ADAM23: variants seen among roughly 807,000 people sequenced by gnomAD.
ADAM23 encodes the protein disintegrin and metalloproteinase domain-containing protein 23.
In ADAM23, 33 loss-of-function variants were observed where a neutral mutation model predicts 120.1. The observed-to-expected ratio is 0.27, with a 90% CI of 0.21 to 0.37. The LOEUF (loss-of-function observed/expected upper bound fraction) is 0.37, where lower values mean the gene tolerates loss of function less well. ADAM23 is among the 10% of genes least tolerant of loss of function. The pLI is 1.00. For synonymous variants in ADAM23, 367 were observed against 375.2 expected (o/e 0.98, Z 0.25); for missense variants, 862 against 1,058.2 (o/e 0.81, Z 2.57).
chr2:206,530,691 T>TTC (rs1697040183), intron 3 of ADAM23, among the ~76,000 whole-genome samples, 194 bp from the exon 4 acceptor site: 6 of 144,188 alleles, frequency 4.2e-5, no homozygotes, highest in South Asian at 2.2e-4. Context: ...TTTTTTTTTT[T>TTC]CTGCAGATTG....
chr2:206,592,475 A>G (rs1254756384), intron 21 of ADAM23, 142 bp from the exon 22 acceptor site: 9 of 1,061,510 alleles, frequency 8.5e-6, no homozygotes, highest in Non-Finnish European at 1.2e-5. Context: ...GTTATCACCT[A>G]CCAATGATAT....
At chr2:206,513,208 C>T (rs1696661992) in intron 3 of ADAM23, among the ~76,000 whole-genome samples, 1 of 152,180 alleles carries the variant, frequency 6.6e-6, no homozygotes, top group Non-Finnish European at 1.5e-5. Flanking sequence ...AGCATAGTTT[C>T]AAGGCATGTT....
At chr2:206,548,155 A>C in intron 7 of ADAM23, 126 bp from the exon 8 acceptor site, 1 of 742,530 alleles carries the variant, frequency 1.3e-6, no homozygotes, top group Non-Finnish European at 2.2e-6. Flanking sequence ...TATAATGATC[A>C]GTGTGCTTTT....
At chr2:206,562,495 A>G (rs550529887) in intron 13 of ADAM23, among the ~76,000 whole-genome samples, 1 of 152,316 alleles carries the variant, frequency 6.6e-6, no homozygotes, top group South Asian at 2.1e-4. Context: ...TTCAAAATCC[A>G]TAAAATCATA....
At chr2:206,532,065 A>G (rs934026703) in intron 4 of ADAM23, among the ~76,000 whole-genome samples, 1 of 152,158 alleles carries the variant, frequency 6.6e-6, no homozygotes, top group Non-Finnish European at 1.5e-5. Flanking sequence ...CTTAGGTTGC[A>G]TTTGGGGGTT....
chr2:206,573,397 A>G (rs911075829), intron 18 of ADAM23, among the ~76,000 whole-genome samples: 2 of 152,176 alleles, frequency 1.3e-5, no homozygotes, highest in African/African-American at 4.8e-5. Context: ...CTTTATACAC[A>G]TCGCCTGAAG....
At chr2:206,507,485 G>A (rs1696519217) in intron 3 of ADAM23, among the ~76,000 whole-genome samples, 1 of 151,652 alleles carries the variant, frequency 6.6e-6, no homozygotes, top group Admixed American at 6.6e-5. Context: ...CACTGTGATT[G>A]TAAGTTTTTT....
intron 3 of ADAM23, among the ~76,000 whole-genome samples, chr2:206,516,785 A>G (rs1696741097): frequency 6.6e-6 from 1 of 152,124 alleles, no homozygotes; most frequent in Non-Finnish European, 1.5e-5. Context: ...CTGAAATTAG[A>G]ACTAGTGTAA....
intron 3 of ADAM23, among the ~76,000 whole-genome samples, chr2:206,483,833 T>A (rs1382474391): frequency 1.3e-5 from 2 of 152,060 alleles, no homozygotes; most frequent in African/African-American, 2.4e-5. Flanking sequence ...AGAAACCGGG[T>A]TACAGTAGGC....
At chr2:206,599,788 T>A (rs951303646) in intron 24 of ADAM23, among the ~76,000 whole-genome samples, 1 of 152,256 alleles carries the variant, frequency 6.6e-6, no homozygotes, top group East Asian at 1.9e-4. Context: ...TTTATCCATA[T>A]TCATTTGTTT....
intron 24 of ADAM23, among the ~76,000 whole-genome samples, chr2:206,607,441 A>G (rs1187126062): frequency 1.3e-5 from 2 of 152,072 alleles, no homozygotes; most frequent in African/African-American, 4.8e-5. Flanking sequence ...ATTTTTTAAC[A>G]TTATACATTG....
intron 3 of ADAM23, among the ~76,000 whole-genome samples, chr2:206,485,683 C>G (rs1463650318): frequency 1.3e-5 from 2 of 152,184 alleles, no homozygotes; most frequent in Non-Finnish European, 2.9e-5. Context: ...GTGCCTCTGG[C>G]TGTTATAGGT....
At chr2:206,573,340 G>A in intron 18 of ADAM23, 145 bp downstream of exon 18, 1 of 755,560 alleles carries the variant, frequency 1.3e-6, no homozygotes. Context: ...ATATCTTGGG[G>A]ATGGGACTCA....
intron 17 of ADAM23, 90 bp downstream of exon 17, chr2:206,571,906 CA>C: frequency 8.4e-7 from 1 of 1,193,636 alleles, no homozygotes; most frequent in Non-Finnish European, 1.2e-6. Context: ...TAGCTTGTCA[CA>C]AATTTCTTGG....
chr2:206,597,238 G>T (rs573938708), intron 24 of ADAM23, among the ~76,000 whole-genome samples: 1 of 148,462 alleles, frequency 6.7e-6, no homozygotes, highest in Non-Finnish European at 1.5e-5. Flanking sequence ...GGAGTGCAGC[G>T]GTGTGATCTT....
At chr2:206,518,434 A>G (rs1409145931) in intron 3 of ADAM23, among the ~76,000 whole-genome samples, 1 of 152,188 alleles carries the variant, frequency 6.6e-6, no homozygotes, top group Non-Finnish European at 1.5e-5. Context: ...TTTGCTTATT[A>G]TAAGATTTTG....
intron 3 of ADAM23, among the ~76,000 whole-genome samples, chr2:206,506,238 G>T (rs3770971): frequency 0.083 from 12,581 of 152,206 alleles, 648 homozygotes; most frequent in Admixed American, 0.13. Context: ...ACAAAAGGTG[G>T]TATCTTTCTA....
rs544511351 is a variant in ADAM23, at chr2:206,563,993, G to A, written c.1346-1027G>A. On this transcript the variant is annotated intron_variant, in intron 13 of 25. Transcript: ENST00000264377. ...GATCTGCCCACCTCGGCCTCCCATAGTGCTGGGATTACAGGTGTGAGCCAC... is the reference window on the plus strand; with the variant it reads ...GATCTGCCCACCTCGGCCTCCCATAATGCTGGGATTACAGGTGTGAGCCAC... Among the ~76,000 whole-genome samples, 61 of 152,190 alleles carry A rather than the reference G, an allele frequency of 4.0e-4. 1 individual carries two copies. The South Asian group carries it at 0.01, about 25-fold the overall frequency.
At chr2:206,453,850 G>T (rs1695243501) in intron 2 of ADAM23, among the ~76,000 whole-genome samples, 1 of 152,250 alleles carries the variant, frequency 6.6e-6, no homozygotes, top group South Asian at 2.1e-4. Flanking sequence ...TGGGTGTCCT[G>T]TATGGCTAAA....
Sources: gnomAD v4.1 joint callset for allele counts (sites outside exome capture counted in the v4.1 genomes callset) on GRCh38, gnomAD v4.1.1 for gene constraint, MANE v1.5 for transcripts, NCBI Gene and HGNC (gene_info 2026-07-23, HGNC 2026-07-21) for gene names.